Variants in CTTNBP2NL observed in about 807,000 individuals in gnomAD.
The protein encoded by CTTNBP2NL is CTTNBP2 N-terminal-like protein.
CTTNBP2NL carries 16 observed loss-of-function variants against 32.5 expected under a neutral mutation model. That is an observed-to-expected ratio of 0.49 (90% confidence interval 0.33 to 0.75). The LOEUF (loss-of-function observed/expected upper bound fraction) is 0.75. Among genes scored for constraint, CTTNBP2NL ranks in the 30% least tolerant of loss-of-function variants. The pLI is 0.02. For missense variants in CTTNBP2NL, 645 were observed against 756.0 expected, an observed-to-expected ratio of 0.85 and a Z score of 1.72; for synonymous variants, 298 against 289.4, an observed-to-expected ratio of 1.03 and a Z score of -0.30.
chr1:112,424,130 T>G (rs928327721), intron 3 of CTTNBP2NL, among the ~76,000 whole-genome samples: 3 of 152,198 alleles, frequency 2.0e-5, no homozygotes, highest in Non-Finnish European at 4.4e-5. Context: ...TTGTTTTTGT[T>G]TTTTGTTTTT....
At chr1:112,442,535 A>G (rs909760823) in intron 3 of CTTNBP2NL, among the ~76,000 whole-genome samples, 2 of 152,144 alleles carry the variant, frequency 1.3e-5, no homozygotes, top group Non-Finnish European at 2.9e-5. Flanking sequence ...TCAGTCCAGA[A>G]TGTACATATA....
Position 112,456,154 on chromosome 1 carries a change from T to C in CTTNBP2NL, c.662T>C (p.Leu221Ser). 6.2e-7 allele frequency: 1 copy of C among 1,613,980 alleles called. No individual in the cohort carries two copies. Among genetic ancestry groups the C allele is most frequent in the Non-Finnish European group, 8.5e-7 (1 of 1,179,998 alleles). Residue 221 changes from leucine to serine, a missense_variant, in exon 6 of 6, where the codon TTG becomes TCG. Coordinates refer to ENST00000271277, the MANE Select transcript of CTTNBP2NL (RefSeq NM_018704.3). ...KSRVSKLEEELAAERKRGLQT... is the reference protein window; with the variant it reads ...KSRVSKLEEESAAERKRGLQT... ...CGGGTGAGTAAACTGGAAGAAGAGT[T>C]GGCAGCTGAGAGAAAGAGAGGCTTG...
At chr1:112,441,307 C>T (rs1231771501) in intron 3 of CTTNBP2NL, among the ~76,000 whole-genome samples, 1 of 152,198 alleles carries the variant, frequency 6.6e-6, no homozygotes, top group Non-Finnish European at 1.5e-5. Flanking sequence ...ACAGAACATA[C>T]TCTTTTATGC....
chr1:112,425,956 C>CGTGTGT (rs376135147), intron 3 of CTTNBP2NL, among the ~76,000 whole-genome samples: 1,626 of 119,714 alleles, frequency 0.014, 16 homozygotes, highest in Middle Eastern at 0.017. Context: ...ATCTGGATGC[C>CGTGTGT]GTGTGTGTGT....
chr1:112,395,286 C>A (rs372888488), upstream of CTTNBP2NL, among the ~76,000 whole-genome samples: 180 of 152,238 alleles, frequency 1.2e-3, 1 homozygote, highest in African/African-American at 4.0e-3. Flanking sequence ...GAGCTGACAG[C>A]CATTCTGTGG....
intron 1 of CTTNBP2NL, among the ~76,000 whole-genome samples, chr1:112,410,343 A>G (rs1392165940): frequency 6.6e-6 from 1 of 151,738 alleles, no homozygotes; most frequent in Non-Finnish European, 1.5e-5. Flanking sequence ...GGTGATCAAG[A>G]TCGTGCCATT....
At chr1:112,409,315 C>T (rs1023297757) in intron 1 of CTTNBP2NL, among the ~76,000 whole-genome samples, 4 of 151,802 alleles carry the variant, frequency 2.6e-5, no homozygotes, top group Non-Finnish European at 4.4e-5. Flanking sequence ...TTCTTAAGTT[C>T]GATATCTGAG....
rs1188195226 is a variant in CTTNBP2NL at position 112,459,689 on chromosome 1, T to C, written c.*2277T>C. 6.6e-6 allele frequency: 1 copy of C among 152,230 alleles called. No homozygotes were observed. The highest frequency in any genetic ancestry group is 1.9e-4 in the East Asian group (1 of 5,200). The allele number at this position is 152,230 out of a possible 1,614,324, so 9.4% of individuals were successfully genotyped here. On this transcript the variant is annotated 3_prime_UTR_variant, in exon 6 of 6. Transcript: ENST00000271277. ...TATGCAGAGCCAAAACGAATAGTGTTGATAAAATAGCTAAACTTTCTAAAC... is the reference window on the plus strand; with the variant it reads ...TATGCAGAGCCAAAACGAATAGTGTCGATAAAATAGCTAAACTTTCTAAAC...
Position 112,457,422 on chromosome 1 carries a change from G to A in CTTNBP2NL, c.*10G>A. The A allele has an allele frequency of 6.3e-7, 1 of 1,593,494 alleles. No individual in the cohort carries two copies. The highest frequency in any genetic ancestry group is 8.6e-7 in the Non-Finnish European group (1 of 1,168,760). On this transcript the variant is annotated 3_prime_UTR_variant, in exon 6 of 6. Coordinates refer to ENST00000271277, the MANE Select transcript of CTTNBP2NL (RefSeq NM_018704.3). ...GCCTACCAGCAGCTAGTCCCTAGGA[G>A]GGAGTCTCCACGTTTGACATTCCAT...
upstream of CTTNBP2NL, chr1:112,396,035 TCCCGGC>T (rs1441666666): frequency 2.0e-5 from 3 of 152,228 alleles, no homozygotes; most frequent in African/African-American, 4.8e-5. Flanking sequence ...GCGAGCTCAA[TCCCGGC>T]CTTGCTCTTC....
At chr1:112,407,846 T>TC (rs1648718153) in intron 1 of CTTNBP2NL, among the ~76,000 whole-genome samples, 1 of 137,464 alleles carries the variant, frequency 7.3e-6, no homozygotes, top group East Asian at 2.1e-4. Context: ...CTTTCTTTTT[T>TC]TTTTTTTTTT....
At chr1:112,449,696 A>G (rs1191603530) in intron 4 of CTTNBP2NL, among the ~76,000 whole-genome samples, 1 of 151,326 alleles carries the variant, frequency 6.6e-6, no homozygotes, top group East Asian at 1.9e-4. Context: ...TGGTTTATTT[A>G]CCTTAAAGGT....
At chr1:112,405,888 A>T (rs1294200782) in intron 1 of CTTNBP2NL, among the ~76,000 whole-genome samples, 1 of 152,170 alleles carries the variant, frequency 6.6e-6, no homozygotes, top group East Asian at 1.9e-4. Flanking sequence ...ACTGGATCTT[A>T]AAAAGACATG....
At chr1:112,450,697 T>G (rs1038229670) in intron 4 of CTTNBP2NL, among the ~76,000 whole-genome samples, 1 of 152,154 alleles carries the variant, frequency 6.6e-6, no homozygotes, top group African/African-American at 2.4e-5. Flanking sequence ...TCAAAATTTC[T>G]TAATACTATA....
upstream of CTTNBP2NL, among the ~76,000 whole-genome samples, chr1:112,393,944 C>T (rs1447429148): frequency 1.3e-5 from 2 of 152,104 alleles, no homozygotes; most frequent in Non-Finnish European, 2.9e-5. Flanking sequence ...TGGTGGTTTA[C>T]GCCTGTCATC....
chr1:112,414,171 G>C (rs1197185373), intron 2 of CTTNBP2NL, among the ~76,000 whole-genome samples: 1 of 152,142 alleles, frequency 6.6e-6, no homozygotes, highest in Non-Finnish European at 1.5e-5. Flanking sequence ...TTCAAGACCA[G>C]CCTTGCCAAC....
intron 2 of CTTNBP2NL, among the ~76,000 whole-genome samples, chr1:112,415,271 G>T (rs1284439549): frequency 1.3e-5 from 2 of 152,090 alleles, no homozygotes; most frequent in African/African-American, 2.4e-5. Flanking sequence ...GTTGAATTAA[G>T]TCTATTTTAC....
chr1:112,445,114 A>G (rs1649999580), intron 3 of CTTNBP2NL, among the ~76,000 whole-genome samples: 1 of 152,210 alleles, frequency 6.6e-6, no homozygotes, highest in Admixed American at 6.5e-5. Context: ...TCATGTGAGT[A>G]AGTAAGCATG....
intron 1 of CTTNBP2NL, among the ~76,000 whole-genome samples, chr1:112,399,925 C>T (rs1648443940): frequency 6.6e-6 from 1 of 151,776 alleles, no homozygotes; most frequent in Non-Finnish European, 1.5e-5. Context: ...AAAAACTAGC[C>T]AGGCATGGTG....
Sources: gnomAD v4.1 joint callset for allele counts (sites outside exome capture counted in the v4.1 genomes callset) on GRCh38, gnomAD v4.1.1 for gene constraint, MANE v1.5 for transcripts, NCBI Gene and HGNC (gene_info 2026-07-23, HGNC 2026-07-21) for gene names.